Variants in TCF12 observed in about 807,000 individuals in gnomAD.
The protein encoded by TCF12 is DNA-binding protein HTF4.
Under a neutral mutation model 86.0 loss-of-function variants are expected in TCF12, and 45 were observed. That is an observed-to-expected ratio of 0.52 (90% CI 0.41 to 0.67). TCF12 has a LOEUF of 0.67. Among genes scored for constraint, TCF12 ranks in the 30% least tolerant of loss-of-function variants. The pLI is 0.00. For missense variants in TCF12, 881 were observed against 859.9 expected, an observed-to-expected ratio of 1.02 and a Z score of -0.31; for synonymous variants, 330 against 299.6, an observed-to-expected ratio of 1.10 and a Z score of -1.05.
chr15:57,091,687 A>G (rs182879244), intron 4 of TCF12, 102 bp from the exon 5 acceptor site: 2 of 661,462 alleles, frequency 3.0e-6, no homozygotes, highest in East Asian at 5.5e-5. Flanking sequence ...GTCAGAAATG[A>G]CCATGTGTAA....
intron 8 of TCF12, among the ~76,000 whole-genome samples, chr15:57,209,102 T>C (rs1054908954): frequency 6.6e-6 from 1 of 152,152 alleles, no homozygotes; most frequent in Non-Finnish European, 1.5e-5. Context: ...GGGATAAAAA[T>C]AAGGACTACA....
intron 5 of TCF12, among the ~76,000 whole-genome samples, chr15:57,150,169 A>G (rs772111157): frequency 4.6e-5 from 7 of 152,224 alleles, no homozygotes. Flanking sequence ...CTATGGGACT[A>G]GGATTTATAG....
chr15:56,919,835 C>T (rs1303452767), intron 1 of TCF12, 57 bp from the exon 2 acceptor site: 5 of 1,490,140 alleles, frequency 3.4e-6, no homozygotes, highest in Non-Finnish European at 4.7e-6. Context: ...TCTCTCTGTT[C>T]CCTCACACAC....
intron 8 of TCF12, among the ~76,000 whole-genome samples, chr15:57,208,480 T>C (rs747031846): frequency 1.5e-5 from 2 of 132,302 alleles, no homozygotes; most frequent in Non-Finnish European, 3.1e-5. Context: ...CCTCCTGGGC[T>C]CAAGTGATCC....
intron 3 of TCF12, among the ~76,000 whole-genome samples, chr15:57,026,770 T>C (rs1200338227): frequency 6.6e-6 from 1 of 152,144 alleles, no homozygotes; most frequent in Non-Finnish European, 1.5e-5. Context: ...CATTTCTTGA[T>C]GTCCGTGGGG....
chr15:57,278,392 T>C (rs565194819), intron 19 of TCF12, among the ~76,000 whole-genome samples: 136 of 152,290 alleles, frequency 8.9e-4, no homozygotes, highest in Admixed American at 3.5e-3. Context: ...TAGGAAAATA[T>C]ATTGATAGGC....
intron 8 of TCF12, among the ~76,000 whole-genome samples, chr15:57,226,582 C>A (rs1421075067): frequency 2.0e-5 from 3 of 152,090 alleles, no homozygotes; most frequent in African/African-American, 7.2e-5. Context: ...ATAGTGAAAT[C>A]TTGGTAATTA....
At chr15:56,997,575 C>G (rs1167623045) in intron 3 of TCF12, among the ~76,000 whole-genome samples, 2 of 152,138 alleles carry the variant, frequency 1.3e-5, no homozygotes, top group Non-Finnish European at 2.9e-5. Context: ...CAGCACCATC[C>G]AGTATACCTA....
At chr15:56,941,757 G>A (rs577951909) in intron 3 of TCF12, among the ~76,000 whole-genome samples, 16 of 151,304 alleles carry the variant, frequency 1.1e-4, no homozygotes, top group Admixed American at 4.6e-4. Flanking sequence ...TGTATATAGT[G>A]CCCAGCCGGA....
chr15:57,073,431 A>T (rs543067358), intron 4 of TCF12, among the ~76,000 whole-genome samples: 1 of 152,294 alleles, frequency 6.6e-6, no homozygotes, highest in East Asian at 1.9e-4. Flanking sequence ...TTGGGTTTTT[A>T]AATTAATAAC....
At chr15:57,247,536 TA>T in intron 13 of TCF12, 1 of 909,616 alleles carries the variant, frequency 1.1e-6, no homozygotes, top group Non-Finnish European at 1.8e-6. Flanking sequence ...TCAAAAGTTA[TA>T]AAAGCAAATC....
At chr15:57,191,946 GAAAA>G (rs1406593046) in intron 6 of TCF12, among the ~76,000 whole-genome samples, 6 of 151,220 alleles carry the variant, frequency 4.0e-5, no homozygotes, top group African/African-American at 1.5e-4. Context: ...AAAAAAAAAA[GAAAA>G]AAAGGCCGAC....
intron 8 of TCF12, among the ~76,000 whole-genome samples, chr15:57,230,284 C>T (rs1490031703): frequency 6.6e-6 from 1 of 151,936 alleles, no homozygotes. Context: ...ATACACTGCT[C>T]ATAATAGCTT....
At chr15:57,163,993 C>CA (rs766865172) in intron 5 of TCF12, among the ~76,000 whole-genome samples, 13 of 151,994 alleles carry the variant, frequency 8.6e-5, no homozygotes, top group East Asian at 1.9e-4. Flanking sequence ...CTGTGCTTTG[C>CA]AAAAAACAGA....
chr15:57,252,453 T>C lies in TCF12; in HGVS notation c.1221T>C (p.His407=), dbSNP rs1158400110. Residue 407 remains histidine (H), a synonymous_variant, in exon 15 of 21, where the codon CAT becomes CAC. Coordinates refer to ENST00000333725, the MANE Select transcript of TCF12 (RefSeq NM_207037.2). ...GAGTTGAGCAGCAACTTCACGAGCA[T>C]TTGCAAGATGCAATGTCCTTCTTAA... ...KNRVEQQLHE[H]LQDAMSFLKD... 6.2e-7 allele frequency: 1 copy of C among 1,614,038 alleles called. No homozygotes were observed. The highest frequency in any genetic ancestry group is 8.5e-7 in the Non-Finnish European group (1 of 1,179,928).
At chr15:57,160,321 C>G (rs1200341689) in intron 5 of TCF12, among the ~76,000 whole-genome samples, 3 of 152,086 alleles carry the variant, frequency 2.0e-5, no homozygotes, top group Non-Finnish European at 4.4e-5. Context: ...AAGTGCAGAG[C>G]AAAGGGGGGA....
At chr15:57,037,434 A>AAAAC (rs57821231) in intron 3 of TCF12, among the ~76,000 whole-genome samples, 39,723 of 151,032 alleles carry the variant, frequency 0.26, 6,521 homozygotes, top group African/African-American at 0.46. Flanking sequence ...AGAGCTCAAA[A>AAAAC]AAACAAACAA....
At chr15:57,244,622 G>A (rs1030964469) in intron 13 of TCF12, among the ~76,000 whole-genome samples, 1 of 152,036 alleles carries the variant, frequency 6.6e-6, no homozygotes, top group African/African-American at 2.4e-5. Flanking sequence ...ACCACACCCG[G>A]CTAATTTTTG....
chr15:56,921,792 C>T (rs1206302529), intron 3 of TCF12, among the ~76,000 whole-genome samples: 2 of 152,014 alleles, frequency 1.3e-5, no homozygotes, highest in South Asian at 2.1e-4. Context: ...TAGTTGGTTT[C>T]TTAAAATACT....
Sources: gnomAD v4.1 joint callset for allele counts (sites outside exome capture counted in the v4.1 genomes callset) on GRCh38, gnomAD v4.1.1 for gene constraint, MANE v1.5 for transcripts, NCBI Gene and HGNC (gene_info 2026-07-23, HGNC 2026-07-21) for gene names.